AZIN1: variants seen among roughly 807,000 people sequenced by gnomAD.
The protein encoded by AZIN1 is ornithine decarboxylase antizyme inhibitor.
AZIN1 carries 12 observed loss-of-function variants against 47.4 expected under a neutral mutation model. The ratio of observed to expected loss-of-function variants is 0.25; its 90% CI spans 0.16 to 0.41. The LOEUF is 0.41. AZIN1 is among the 10% of genes least tolerant of loss of function. The pLI, the probability that AZIN1 is intolerant of heterozygous loss-of-function variation, is 1.00. For synonymous variants in AZIN1, 155 were observed against 176.3 expected, an observed-to-expected ratio of 0.88 and a Z score of 0.96; for missense variants, 410 against 532.4, an observed-to-expected ratio of 0.77 and a Z score of 2.26.
At chr8:102,836,513 G>A in intron 5 of AZIN1, 123 bp from the exon 6 acceptor site, 2 of 1,034,580 alleles carry the variant, frequency 1.9e-6, no homozygotes, top group East Asian at 2.4e-5. Context: ...AGCGACGGAT[G>A]AATCAAGTGA....
Position 102,864,083 on chromosome 8 carries a change from A to G in AZIN1, c.-510T>C, listed in dbSNP as rs957090549. The G allele has an allele frequency of 4.1e-5, 7 of 169,920 alleles. No homozygotes were observed. Among genetic ancestry groups the G allele is most frequent in the African/African-American group, 1.7e-4 (7 of 41,528 alleles). 10.5% of individuals were successfully genotyped at this position (169,920 alleles called of 1,614,324 possible). A position where few individuals can be genotyped will look rare whatever the true frequency, so the allele number is the denominator to read the frequency against. On this transcript the variant is annotated 5_prime_UTR_variant, in exon 1 of 12. Coordinates refer to ENST00000337198, the MANE Select transcript of AZIN1 (RefSeq NM_148174.4). ...CGTCACACTGCAGAGCAGCAGAGCG[A>G]GAAAGGATGAGAAGAGGCAGAGAAG...
chr8:102,847,345 T>C (rs1324703376), intron 2 of AZIN1, among the ~76,000 whole-genome samples: 3 of 108,560 alleles, frequency 2.8e-5, no homozygotes, highest in African/African-American at 1.2e-4. Context: ...GGAGAACCCA[T>C]CTCTTAAAAA....
At chr8:102,839,593 T>C in intron 4 of AZIN1, 57 bp downstream of exon 4, 3 of 1,273,766 alleles carry the variant, frequency 2.4e-6, no homozygotes, top group Non-Finnish European at 3.2e-6. Context: ...CCGCTGTAAC[T>C]ACATTAAGTT....
intron 2 of AZIN1, among the ~76,000 whole-genome samples, chr8:102,857,478 T>A (rs1258654273): frequency 6.6e-6 from 1 of 152,076 alleles, no homozygotes; most frequent in East Asian, 1.9e-4. Flanking sequence ...AATTCTAAAG[T>A]AAAATTCACA....
intron 4 of AZIN1, among the ~76,000 whole-genome samples, 154 bp downstream of exon 4, chr8:102,839,496 T>C (rs953255782): frequency 2.0e-5 from 3 of 152,228 alleles, no homozygotes; most frequent in African/African-American, 7.2e-5. Flanking sequence ...TTGAAAAGCT[T>C]GTAATTTTCC....
chr8:102,848,231 G>A (rs867809807), intron 2 of AZIN1, among the ~76,000 whole-genome samples: 18 of 142,830 alleles, frequency 1.3e-4, no homozygotes, highest in African/African-American at 4.1e-4. Context: ...GTCACCTAAC[G>A]ACACATTTCT....
chr8:102,850,631 C>T (rs917501429), intron 2 of AZIN1, among the ~76,000 whole-genome samples: 3 of 152,034 alleles, frequency 2.0e-5, no homozygotes, highest in Non-Finnish European at 4.4e-5. Flanking sequence ...CTTCTGCCAC[C>T]CTGGACCCCA....
Position 102,833,104 on chromosome 8 carries a change from T to C in AZIN1, c.856A>G (p.Asn286Asp). The C allele has an allele frequency of 6.2e-7, 1 of 1,613,334 alleles. No individual in the cohort carries two copies. The highest frequency in any genetic ancestry group is 8.5e-7 in the Non-Finnish European group (1 of 1,179,364). ...TCAACAACTTTCTTTGCTATGATAT[T>C]AACTGCGAGTGTAAATGCAGAAGAC... ...YVSSAFTLAV[N>D]IIAKKVVEND... is the part of the protein sequence containing the mutation. Residue 286 changes from asparagine to aspartate, a missense_variant, in exon 9 of 12, where the codon AAT (asparagine) becomes GAT (aspartate). Coordinates refer to ENST00000337198, the MANE Select transcript of AZIN1 (RefSeq NM_148174.4).
chr8:102,839,664 C>T lies in AZIN1; in HGVS notation c.262G>A (p.Ala88Thr). ...AAAATACTTACTTTACTGGAACAAG[C>T]AAATCCGGTTCCAAGAGCTGCCAAA... Reference protein sequence around the residue: ...EILAALGTGFACSSKNEMALV... With the variant: ...EILAALGTGFTCSSKNEMALV... The change falls in exon 4 of 12, where the codon GCT (alanine) becomes ACT (threonine). Residue 88 changes from alanine (A) to threonine (T), a missense_variant. Transcript: ENST00000337198. 6.4e-7 allele frequency: 1 copy of T among 1,561,254 alleles called. No homozygotes were observed. Among genetic ancestry groups the T allele is most frequent in the Admixed American group, 1.9e-5 (1 of 51,862 alleles).
At chr8:102,853,190 A>G (rs896505378) in intron 2 of AZIN1, among the ~76,000 whole-genome samples, 1 of 152,260 alleles carries the variant, frequency 6.6e-6, no homozygotes, top group African/African-American at 2.4e-5. Context: ...AATAAATGCA[A>G]AAGCCATTTA....
At position 102,843,488 on chromosome 8, in the gene AZIN1, T is replaced by G. The variant is rs943952735; in HGVS notation, c.102+63A>C. ...CTGATCAGATTACCATCTTGGAAAT[T>G]AAAAAGCACTCGTTTCAGAGCTTGG... On this transcript the variant is annotated intron_variant, in intron 3 of 11. Coordinates refer to ENST00000337198, the MANE Select transcript of AZIN1 (RefSeq NM_148174.4). 28 of 1,435,088 alleles carry G rather than the reference T, an allele frequency of 2.0e-5. No individual in the cohort carries two copies. The African/African-American group carries it at 3.7e-4, about 19-fold the overall frequency. The allele number at this position is 1,435,088 out of a possible 1,614,324, so 88.9% of individuals were successfully genotyped here.
chr8:102,859,560 CATT>C (rs35785858), intron 1 of AZIN1, among the ~76,000 whole-genome samples: 24,207 of 152,130 alleles, frequency 0.16, 2,110 homozygotes, highest in Admixed American at 0.26. Context: ...ATTTGAAAGG[CATT>C]ATTTAAATAC....
rs777341258 is a variant in AZIN1 at position 102,858,167 on chromosome 8, A to C, written c.-233-17T>G. Reference sequence around the variant, plus strand: ...AAGTTCGCCCTAAAAGAAGGAAATAAAAGTAGCAGAAGATAGTCCTATGTT... The same window carrying C: ...AAGTTCGCCCTAAAAGAAGGAAATACAAGTAGCAGAAGATAGTCCTATGTT... On this transcript the variant is annotated splice_polypyrimidine_tract_variant and intron_variant, in intron 1 of 11. Transcript: ENST00000337198. The C allele has an allele frequency of 7.5e-6, 3 of 398,730 alleles. No individual in the cohort carries two copies. The highest frequency in any genetic ancestry group is 1.3e-5 in the Non-Finnish European group (3 of 225,952). The allele number at this position is 398,730 out of a possible 1,614,324, so 24.7% of individuals were successfully genotyped here. A position where few individuals can be genotyped will look rare whatever the true frequency, so the allele number is the denominator to read the frequency against.
intron 2 of AZIN1, among the ~76,000 whole-genome samples, chr8:102,847,043 T>C (rs185102188): frequency 6.6e-6 from 1 of 152,290 alleles, no homozygotes; most frequent in Non-Finnish European, 1.5e-5. Context: ...TGACTATTCA[T>C]CTTTGAAATG....
chr8:102,828,651 A>C lies in AZIN1; in HGVS notation c.1263T>G (p.Thr421=), dbSNP rs760414227. ...DWYEMQDAGI[T]SDSMMKNFFF... is the part of the protein sequence containing the mutation. ...AGAAGTTCTTCATCATTGAGTCTGA[A>C]GTAATTCCAGCATCTTGCATCTCAT... The change falls in exon 12 of 12, where the codon ACT becomes ACG. Residue 421 remains threonine (T), a synonymous_variant. Transcript: ENST00000337198. 4.3e-6 allele frequency: 7 copies of C among 1,609,962 alleles called. No individual in the cohort carries two copies. Among genetic ancestry groups the C allele is most frequent in the Admixed American group, 1.7e-5 (1 of 59,876 alleles).
At chr8:102,848,613 A>G (rs1812733898) in intron 2 of AZIN1, among the ~76,000 whole-genome samples, 1 of 152,202 alleles carries the variant, frequency 6.6e-6, no homozygotes, top group Non-Finnish European at 1.5e-5. Flanking sequence ...CAGTATTTCC[A>G]ACTGAAAAGG....
rs80228142 is a variant in AZIN1, at chr8:102,853,638, A to G, written c.-96+4375T>C. Among the ~76,000 whole-genome samples, 368 of 152,316 alleles carry G rather than the reference A, an allele frequency of 2.4e-3. 3 individuals carry two copies. The highest frequency in any genetic ancestry group is 0.019 in the East Asian group (100 of 5,184). On this transcript the variant is annotated intron_variant, in intron 2 of 11. Coordinates refer to ENST00000337198, the MANE Select transcript of AZIN1 (RefSeq NM_148174.4). ...TATCCATTAATATGCTAGTATTCAC[A>G]TTGTGCTTTTACAGAATATTTTTCT...
At chr8:102,846,144 G>A (rs1288532992) in intron 2 of AZIN1, among the ~76,000 whole-genome samples, 1 of 152,124 alleles carries the variant, frequency 6.6e-6, no homozygotes, top group Non-Finnish European at 1.5e-5. Context: ...AAATACAGAA[G>A]GTCTAGCTTT....
chr8:102,846,439 A>G (rs1419448857), intron 2 of AZIN1, among the ~76,000 whole-genome samples: 2 of 152,232 alleles, frequency 1.3e-5, no homozygotes, highest in East Asian at 3.8e-4. Flanking sequence ...TGTTTATAGC[A>G]GTCTCCCAGC....
Sources: allele counts gnomAD v4.1 joint callset (sites outside exome capture counted in the v4.1 genomes callset), GRCh38; gene constraint gnomAD v4.1.1; transcripts MANE v1.5; gene names NCBI Gene and HGNC (gene_info 2026-07-23, HGNC 2026-07-21).